The following PRKCI variants were observed in gnomAD, a reference collection of about 807,000 sequenced individuals.
PRKCI encodes the protein protein kinase C iota.
In PRKCI, 43 loss-of-function variants were observed where a neutral mutation model predicts 84.0. The observed-to-expected ratio is 0.51, with a 90% CI of 0.40 to 0.66. The LOEUF (loss-of-function observed/expected upper bound fraction) is 0.66, where lower values mean the gene tolerates loss of function less well. Among genes scored for constraint, PRKCI ranks in the 30% least tolerant of loss-of-function variants. The probability of loss-of-function intolerance (pLI) is 0.00; values close to 1 mark genes in which losing one functional copy is unlikely to be tolerated. For synonymous variants in PRKCI, 216 were observed against 234.4 expected (o/e 0.92, Z 0.72); for missense variants, 459 against 745.6 (o/e 0.62, Z 4.48).
chr3:170,230,704 GAC>G (rs1732764659), intron 1 of PRKCI, among the ~76,000 whole-genome samples: 1 of 152,128 alleles, frequency 6.6e-6, no homozygotes, highest in Admixed American at 6.5e-5. Flanking sequence ...ATAGGGTACT[GAC>G]ACAACTTTTT....
intron 12 of PRKCI, among the ~76,000 whole-genome samples, chr3:170,285,019 C>T (rs1228707451): frequency 1.3e-5 from 2 of 151,156 alleles, no homozygotes; most frequent in African/African-American, 4.9e-5. Context: ...AAACATCTGA[C>T]ATAAAGCATA....
intron 14 of PRKCI, 131 bp downstream of exon 14, chr3:170,293,639 A>G (rs1311196360): frequency 3.7e-6 from 4 of 1,090,228 alleles, no homozygotes; most frequent in Non-Finnish European, 5.0e-6. Flanking sequence ...GACTGGTGGT[A>G]TTAGGTTTTG....
At chr3:170,263,340 A>C in intron 3 of PRKCI, 39 bp from the exon 4 acceptor site, 2 of 1,524,704 alleles carry the variant, frequency 1.3e-6, no homozygotes, top group Non-Finnish European at 1.8e-6. Context: ...TGTATGTTTT[A>C]AATATGCTGT....
intron 4 of PRKCI, among the ~76,000 whole-genome samples, chr3:170,266,849 C>T (rs963798452): frequency 3.3e-5 from 5 of 152,030 alleles, no homozygotes; most frequent in Admixed American, 2.0e-4. Context: ...AAAAATTAGC[C>T]GGGTGTGGTG....
intron 8 of PRKCI, among the ~76,000 whole-genome samples, chr3:170,279,114 AC>A (rs1379573242): frequency 6.6e-6 from 1 of 152,110 alleles, no homozygotes; most frequent in Non-Finnish European, 1.5e-5. Flanking sequence ...TGCAACCTTG[AC>A]CTGCCTGGCT....
intron 2 of PRKCI, among the ~76,000 whole-genome samples, chr3:170,253,094 A>G (rs1166159804): frequency 1.3e-5 from 2 of 152,202 alleles, no homozygotes; most frequent in Admixed American, 6.5e-5. Flanking sequence ...TTGTATTGCT[A>G]GACACTTAAG....
At chr3:170,281,822 T>G (rs892747733) in intron 10 of PRKCI, 60 bp from the exon 11 acceptor site, 5 of 1,518,400 alleles carry the variant, frequency 3.3e-6, no homozygotes, top group Admixed American at 2.2e-5. Flanking sequence ...TTTCTGAAAA[T>G]GCAAAGTTAC....
In PRKCI at chr3:170,255,055, CTTT is replaced by C. The variant is rs34437904; in HGVS notation, c.224-4894_224-4892del. 1.8e-3 allele frequency among the ~76,000 whole-genome samples: 71 copies of C among 38,844 alleles called. 1 individual carries two copies. In the East Asian group the frequency reaches 0.023, roughly 12 times the overall value. The allele number at this position is 38,844 out of a possible 152,430, so 25.5% of individuals were successfully genotyped here. On this transcript the variant is annotated intron_variant, in intron 2 of 17. Transcript: ENST00000295797. ...TCATTGTAAAGAAAGAGATCTTTCA[CTTT>C]TTTTTTTTTTTTTTTTTTTGAGACA...
intron 2 of PRKCI, among the ~76,000 whole-genome samples, chr3:170,245,840 G>A (rs895788997): frequency 6.6e-6 from 1 of 151,844 alleles, no homozygotes; most frequent in Non-Finnish European, 1.5e-5. Context: ...AACTACAGAT[G>A]CACACCATGA....
At chr3:170,251,898 A>G (rs1733456820) in intron 2 of PRKCI, among the ~76,000 whole-genome samples, 1 of 150,088 alleles carries the variant, frequency 6.7e-6, no homozygotes, top group Non-Finnish European at 1.5e-5. Flanking sequence ...CAACAACAAG[A>G]CTGTCTCAAA....
intron 16 of PRKCI, among the ~76,000 whole-genome samples, chr3:170,298,190 T>C (rs948585047): frequency 2.6e-5 from 4 of 151,968 alleles, no homozygotes; most frequent in Admixed American, 2.6e-4. Flanking sequence ...TGAATATTAA[T>C]GTAATAAAGC....
chr3:170,269,958 CAA>C (rs550260990), intron 5 of PRKCI, among the ~76,000 whole-genome samples: 3 of 132,714 alleles, frequency 2.3e-5, no homozygotes, highest in Non-Finnish European at 3.3e-5. Context: ...AACTCTGTCT[CAA>C]AAAAAAAAAA....
intron 8 of PRKCI, among the ~76,000 whole-genome samples, chr3:170,277,431 G>A (rs563906801): frequency 8.5e-5 from 13 of 152,200 alleles, no homozygotes; most frequent in African/African-American, 3.1e-4. Context: ...ATCAACTTGG[G>A]CGTGATGGCT....
intron 4 of PRKCI, among the ~76,000 whole-genome samples, chr3:170,266,434 A>G (rs1375504240): frequency 6.6e-6 from 1 of 152,180 alleles, no homozygotes; most frequent in East Asian, 1.9e-4. Context: ...TAAGAAATAC[A>G]CAACACTACC....
intron 5 of PRKCI, among the ~76,000 whole-genome samples, chr3:170,269,418 T>C (rs752741206): frequency 1.3e-5 from 2 of 152,172 alleles, no homozygotes; most frequent in Non-Finnish European, 2.9e-5. Flanking sequence ...TCCCAGCAGT[T>C]TGGGAGGCTG....
rs534414623 is a variant in PRKCI, at chr3:170,271,100, A to G, written c.591+539A>G. On this transcript the variant is annotated intron_variant, in intron 6 of 17. Transcript: ENST00000295797. ...CTAAGTAAAAGTCCACATATATTCT[A>G]CCATGTAAAGGTAATTGTCATTTGG... Among the ~76,000 whole-genome samples the G allele has an allele frequency of 3.9e-5, 6 of 152,338 alleles. No homozygotes were observed. The South Asian group carries it at 1.2e-3, about 32-fold the overall frequency.
chr3:170,235,566 C>CTTTTTTTT (rs199938459), intron 2 of PRKCI, among the ~76,000 whole-genome samples: 2 of 136,236 alleles, frequency 1.5e-5, no homozygotes, highest in African/African-American at 2.7e-5. Flanking sequence ...ATTAACTTGA[C>CTTTTTTTT]TTTTTTTTTT....
chr3:170,270,686 GGGGA>G (rs1560178241), intron 6 of PRKCI, 125 bp downstream of exon 6: 1 of 1,202,182 alleles, frequency 8.3e-7, no homozygotes, highest in Non-Finnish European at 1.1e-6. Context: ...TACAGAGTAT[GGGGA>G]GGAATACCTT....
At chr3:170,284,333 T>G in intron 11 of PRKCI, 128 bp from the exon 12 acceptor site, 1 of 801,710 alleles carries the variant, frequency 1.2e-6, no homozygotes, top group Non-Finnish European at 1.9e-6. Context: ...TCAGTTCATT[T>G]TTCAAATTTG....
Sources: gnomAD v4.1 joint callset for allele counts (sites outside exome capture counted in the v4.1 genomes callset) on GRCh38, gnomAD v4.1.1 for gene constraint, MANE v1.5 for transcripts, NCBI Gene and HGNC (gene_info 2026-07-23, HGNC 2026-07-21) for gene names.